The following METTL1 variants were observed in gnomAD, a reference collection of about 807,000 sequenced individuals.
The protein encoded by METTL1 is tRNA (guanine-N(7)-)-methyltransferase.
Under a neutral mutation model 27.7 loss-of-function variants are expected in METTL1, and 14 were observed. That is an observed-to-expected ratio of 0.51 (90% CI 0.33 to 0.79). METTL1 has a LOEUF of 0.79. Among genes scored for constraint, METTL1 ranks in the 30% least tolerant of loss-of-function variants. METTL1 has a pLI of 0.02. For synonymous variants in METTL1, 138 were observed against 137.0 expected (o/e 1.01, Z -0.05); for missense variants, 333 against 359.6 (o/e 0.93, Z 0.60).
At chr12:57,771,640 G>A (rs1159521713) in intron 1 of METTL1, 1 of 1,534,246 alleles carries the variant, frequency 6.5e-7, no homozygotes, top group Non-Finnish European at 8.7e-7. Flanking sequence ...GGTGCGGGCA[G>A]GATTGTGTAT....
chr12:57,768,841 C>T lies in METTL1; in HGVS notation c.*155G>A, dbSNP rs779631626. The T allele has an allele frequency of 1.7e-5, 14 of 822,718 alleles. No individual in the cohort carries two copies. Among genetic ancestry groups the T allele is most frequent in the Non-Finnish European group, 2.5e-5 (14 of 552,900 alleles). The allele number at this position is 822,718 out of a possible 1,614,324, so 51.0% of individuals were successfully genotyped here. On this transcript the variant is annotated 3_prime_UTR_variant, in exon 6 of 6. Transcript: ENST00000324871. ...CAAGGTGAGAGGAGCCAGGGGTAGTCATGAACACCAGTGGGTTCTGCCCTG... is the reference window on the plus strand; with the variant it reads ...CAAGGTGAGAGGAGCCAGGGGTAGTTATGAACACCAGTGGGTTCTGCCCTG...
At position 57,770,041 on chromosome 12, in the gene METTL1, C is replaced by G. The variant is rs540639809; in HGVS notation, c.275-85G>C. 9.5e-6 allele frequency: 13 copies of G among 1,365,972 alleles called. No homozygotes were observed. The South Asian group carries it at 1.8e-4, about 19-fold the overall frequency. 84.6% of individuals were successfully genotyped at this position (1,365,972 alleles called of 1,614,324 possible). On this transcript the variant is annotated intron_variant, in intron 2 of 5. Transcript: ENST00000324871. ...TCAACACAGGAAAGGAAGCCTCAAC[C>G]TGCAACTACCAAAGTCCAGAACGGC...
chr12:57,768,951 C>G lies in METTL1; in HGVS notation c.*45G>C. The G allele has an allele frequency of 6.3e-7, 1 of 1,578,968 alleles. No homozygotes were observed. Among genetic ancestry groups the G allele is most frequent in the Admixed American group, 1.7e-5 (1 of 59,152 alleles). Reference sequence around the variant, plus strand: ...GAAGACCCAGGACTCCTGCTCTTTTCTCTAATCCCTGGGAGACGAGGTCCA... The same window carrying G: ...GAAGACCCAGGACTCCTGCTCTTTTGTCTAATCCCTGGGAGACGAGGTCCA... On this transcript the variant is annotated 3_prime_UTR_variant, in exon 6 of 6. Transcript: ENST00000324871.
rs863223376 is a variant in METTL1, at chr12:57,769,596, A to G, written c.542T>C (p.Leu181Pro). ...HKWRIISPTLLAEYAYVLRVG... is the reference protein window; with the variant it reads ...HKWRIISPTLPAEYAYVLRVG... ...TCTTAGCACGTAGGCATATTCTGCT[A>G]GCAGGGTGGGACTGATGATTCGCCA... The change falls in exon 4 of 6, where the codon CTA becomes CCA. Residue 181 changes from leucine to proline, a missense_variant. Coordinates refer to ENST00000324871, the MANE Select transcript of METTL1 (RefSeq NM_005371.6). The G allele has an allele frequency of 4.5e-6, 7 of 1,551,694 alleles. No homozygotes were observed. The highest frequency in any genetic ancestry group is 6.1e-6 in the Non-Finnish European group (7 of 1,145,910).
At position 57,769,964 on chromosome 12, in the gene METTL1, C is replaced by A. The variant is rs771485545; in HGVS notation, c.275-8G>T. The A allele has an allele frequency of 1.4e-5, 23 of 1,593,254 alleles. 1 individual carries two copies. The South Asian group carries it at 2.1e-4, about 15-fold the overall frequency. On this transcript the variant is annotated splice_region_variant and splice_polypyrimidine_tract_variant and intron_variant, in intron 2 of 5. Coordinates refer to ENST00000324871, the MANE Select transcript of METTL1 (RefSeq NM_005371.6). ...ACAGCGGTGACAGTTCCACTGCACA[C>A]AGAAATAGCAATGGAATCATCAACC...
intron 4 of METTL1, 27 bp from the exon 5 acceptor site, chr12:57,769,431 G>A (rs1323746781): frequency 6.2e-7 from 1 of 1,611,886 alleles, no homozygotes; most frequent in East Asian, 2.2e-5. Flanking sequence ...ACCCTAGACA[G>A]GAGGCTGCAT....
intron 1 of METTL1, chr12:57,771,575 A>G (rs1955432193): frequency 6.5e-7 from 1 of 1,535,426 alleles, no homozygotes; most frequent in South Asian, 1.2e-5. Context: ...TGGCTGCCTA[A>G]TGCACTGGGA....
intron 2 of METTL1, 124 bp from the exon 3 acceptor site, chr12:57,770,080 G>A: frequency 2.1e-6 from 2 of 959,150 alleles, no homozygotes; most frequent in South Asian, 1.7e-5. Context: ...AGAGGACAGA[G>A]ATACATATAT....
At chr12:57,770,058 C>A in intron 2 of METTL1, 102 bp from the exon 3 acceptor site, 1 of 1,214,976 alleles carries the variant, frequency 8.2e-7, no homozygotes, top group Admixed American at 2.3e-5. Flanking sequence ...TACCAAAGTC[C>A]AGAACGGCAA....
Sources: gnomAD v4.1 joint callset for allele counts on GRCh38, gnomAD v4.1.1 for gene constraint, MANE v1.5 for transcripts, NCBI Gene and HGNC (gene_info 2026-07-23, HGNC 2026-07-21) for gene names.